Variants in SPON1 observed in about 807,000 individuals in gnomAD.
The protein encoded by SPON1 is spondin-1.
SPON1 carries 52 observed loss-of-function variants against 111.7 expected under a neutral mutation model. That is an observed-to-expected ratio of 0.47 (90% CI 0.37 to 0.59). The LOEUF (loss-of-function observed/expected upper bound fraction) is 0.59. Ranked by LOEUF, SPON1 falls within the 20% of genes least tolerant of loss-of-function variation. The pLI, the probability that SPON1 is intolerant of heterozygous loss-of-function variation, is 0.00. For missense variants in SPON1, 957 were observed against 1,068.5 expected (o/e 0.90, Z 1.46); for synonymous variants, 410 against 395.8 (o/e 1.04, Z -0.43).
chr11:14,157,939 A>C (rs1299606760), intron 6 of SPON1, among the ~76,000 whole-genome samples: 1 of 152,138 alleles, frequency 6.6e-6, no homozygotes, highest in Non-Finnish European at 1.5e-5. Flanking sequence ...ATAGTTTTTA[A>C]GTCCAAGTCT....
At chr11:14,121,193 G>T (rs1276120781) in intron 5 of SPON1, among the ~76,000 whole-genome samples, 8 of 152,114 alleles carry the variant, frequency 5.3e-5, no homozygotes, top group Admixed American at 5.2e-4. Flanking sequence ...TGGGAATGTG[G>T]GTAGGTAATA....
At chr11:14,234,574 C>T (rs1274868467) in intron 6 of SPON1, among the ~76,000 whole-genome samples, 3 of 152,170 alleles carry the variant, frequency 2.0e-5, no homozygotes, top group Non-Finnish European at 2.9e-5. Context: ...AAGTAAATGC[C>T]GATGGCCAGT....
intron 2 of SPON1, among the ~76,000 whole-genome samples, chr11:14,019,493 T>C (rs1848465711): frequency 6.6e-6 from 1 of 151,870 alleles, no homozygotes; most frequent in African/African-American, 2.4e-5. Flanking sequence ...TTAATTATTA[T>C]CATTATATAG....
intron 6 of SPON1, among the ~76,000 whole-genome samples, chr11:14,142,108 G>A (rs764634725): frequency 6.6e-6 from 1 of 152,280 alleles, no homozygotes; most frequent in Non-Finnish European, 1.5e-5. Context: ...TGAAAATGGC[G>A]ATTGTGCCAA....
chr11:14,203,451 G>T (rs4757240), intron 6 of SPON1, among the ~76,000 whole-genome samples: 75,304 of 151,928 alleles, frequency 0.5, 18,787 homozygotes, highest in African/African-American at 0.53. Context: ...TCATATTTTA[G>T]CCTCTGAAAG....
chr11:14,103,758 T>C (rs1246592687), intron 5 of SPON1, among the ~76,000 whole-genome samples: 1 of 152,230 alleles, frequency 6.6e-6, no homozygotes, highest in Non-Finnish European at 1.5e-5. Context: ...ATTTGTTTGC[T>C]TGTTTGTTGT....
intron 1 of SPON1, among the ~76,000 whole-genome samples, chr11:13,967,569 CTGT>C (rs1848028045): frequency 6.7e-6 from 1 of 149,982 alleles, no homozygotes; most frequent in African/African-American, 2.5e-5. Flanking sequence ...ACAGATTTGA[CTGT>C]TGTTTTGTTT....
rs562510748 is a variant in SPON1 at position 14,189,966 on chromosome 11, C to G, written c.826-53366C>G. Among the ~76,000 whole-genome samples, 7 of 152,314 alleles carry G rather than the reference C, an allele frequency of 4.6e-5. 1 individual carries two copies. In the East Asian group the frequency reaches 1.4e-3, roughly 29 times the overall value. ...CCTGTATTTTGTAAGCGGGCACTTC[C>G]TCTTTTGGTAACTCCTTGAATGAAG... On this transcript the variant is annotated intron_variant, in intron 6 of 15. Coordinates refer to ENST00000576479, the MANE Select transcript of SPON1 (RefSeq NM_006108.4).
intron 2 of SPON1, among the ~76,000 whole-genome samples, chr11:14,027,908 A>T (rs1479041083): frequency 6.6e-6 from 1 of 152,214 alleles, no homozygotes; most frequent in Non-Finnish European, 1.5e-5. Context: ...TTTCCTAGGC[A>T]TTAGACTACA....
chr11:13,988,907 C>T (rs944233065), intron 2 of SPON1, among the ~76,000 whole-genome samples: 2 of 152,076 alleles, frequency 1.3e-5, no homozygotes, highest in Non-Finnish European at 2.9e-5. Flanking sequence ...CTGACTTGAT[C>T]GTGGTGGATA....
In SPON1 at chr11:14,174,021, T is replaced by TGGAGC. The variant is rs539403262; in HGVS notation, c.825+38454_825+38458dup. Among the ~76,000 whole-genome samples the TGGAGC allele has an allele frequency of 6.7e-4, 102 of 152,252 alleles. 1 individual carries two copies. The highest frequency in any genetic ancestry group is 3.4e-3 in the Middle Eastern group (1 of 294). On this transcript the variant is annotated intron_variant, in intron 6 of 15. Transcript: ENST00000576479. Reference sequence around the variant, plus strand: ...CTTAATTGGATTACTGGCTTCAGGGTGGAGCCCTTGGAGGAACAGGGCCAG... The same window carrying TGGAGC: ...CTTAATTGGATTACTGGCTTCAGGGTGGAGCGGAGCCCTTGGAGGAACAGGGCCAG...
chr11:14,007,236 G>A (rs1554913242), intron 2 of SPON1, among the ~76,000 whole-genome samples: 1 of 152,170 alleles, frequency 6.6e-6, no homozygotes, highest in African/African-American at 2.4e-5. Flanking sequence ...GACAGGAGGT[G>A]TATTAGGGTT....
chr11:13,987,407 G>GT (rs1287224138), intron 2 of SPON1, among the ~76,000 whole-genome samples: 7 of 149,672 alleles, frequency 4.7e-5, no homozygotes, highest in Admixed American at 1.3e-4. Context: ...CTTTTTGTTT[G>GT]TTTTTTTCCT....
chr11:14,093,279 C>A (rs557104080), intron 5 of SPON1, among the ~76,000 whole-genome samples: 1 of 152,344 alleles, frequency 6.6e-6, no homozygotes, highest in East Asian at 1.9e-4. Context: ...GGCAGTGTAA[C>A]CACATGAGGG....
chr11:14,189,912 T>TA (rs1430152489), intron 6 of SPON1, among the ~76,000 whole-genome samples: 1 of 152,182 alleles, frequency 6.6e-6, no homozygotes, highest in African/African-American at 2.4e-5. Context: ...AAAATAAAAA[T>TA]AAAAATCACA....
chr11:14,243,268 C>A, intron 6 of SPON1, 64 bp from the exon 7 acceptor site: 2 of 1,477,730 alleles, frequency 1.4e-6, no homozygotes, highest in South Asian at 1.2e-5. Context: ...GTCACCAGGT[C>A]AAAGCCCTAT....
chr11:14,213,583 C>T (rs1299603410), intron 6 of SPON1, among the ~76,000 whole-genome samples: 2 of 152,098 alleles, frequency 1.3e-5, no homozygotes, highest in Non-Finnish European at 1.5e-5. Flanking sequence ...ATTTATTGAG[C>T]ACTTTCTATG....
intron 6 of SPON1, among the ~76,000 whole-genome samples, chr11:14,199,021 A>G (rs1199965770): frequency 1.3e-5 from 2 of 152,176 alleles, no homozygotes; most frequent in East Asian, 3.8e-4. Context: ...TTTCACTGAC[A>G]TAAGTAATAG....
chr11:14,066,497 C>T (rs970282362), intron 3 of SPON1, among the ~76,000 whole-genome samples: 19 of 152,094 alleles, frequency 1.2e-4, no homozygotes, highest in African/African-American at 4.6e-4. Context: ...ACCGGGACTA[C>T]CTCCTGCAGC....
Sources: gnomAD v4.1 joint callset for allele counts (sites outside exome capture counted in the v4.1 genomes callset) on GRCh38, gnomAD v4.1.1 for gene constraint, MANE v1.5 for transcripts, NCBI Gene and HGNC (gene_info 2026-07-23, HGNC 2026-07-21) for gene names.